The following BBX variants were observed in gnomAD, a reference collection of about 807,000 sequenced individuals.
The protein encoded by BBX is HMG box transcription factor BBX.
In BBX, 30 loss-of-function variants were observed where a neutral mutation model predicts 100.2. The ratio of observed to expected loss-of-function variants is 0.30; its 90% CI spans 0.22 to 0.41. The LOEUF is 0.41. Ranked by LOEUF, BBX falls within the 10% of genes least tolerant of loss-of-function variation. BBX has a pLI of 1.00. For missense variants in BBX, 1,023 were observed against 1,129.8 expected (o/e 0.91, Z 1.35); for synonymous variants, 376 against 388.1 (o/e 0.97, Z 0.37).
chr3:107,542,929 A>G (rs1327937586), intron 2 of BBX, among the ~76,000 whole-genome samples: 1 of 149,032 alleles, frequency 6.7e-6, no homozygotes, highest in East Asian at 1.9e-4. Context: ...CCCAGGGTAA[A>G]AGAGCTTTTT....
At chr3:107,769,014 G>C (rs771087776) in intron 10 of BBX, among the ~76,000 whole-genome samples, 8 of 150,490 alleles carry the variant, frequency 5.3e-5, no homozygotes, top group Middle Eastern at 3.4e-3. Context: ...GGGCGGCGGG[G>C]GGGGGGAGCC....
chr3:107,760,413 T>C (rs902580520), intron 10 of BBX, among the ~76,000 whole-genome samples: 2 of 152,254 alleles, frequency 1.3e-5, no homozygotes, highest in Non-Finnish European at 2.9e-5. Flanking sequence ...ACTGCCAGGA[T>C]GCATCTTACA....
At chr3:107,670,707 C>T (rs1576269411) in intron 3 of BBX, among the ~76,000 whole-genome samples, 1 of 152,076 alleles carries the variant, frequency 6.6e-6, no homozygotes, top group East Asian at 1.9e-4. Context: ...ATGTTGAATA[C>T]ACTTGACTGG....
chr3:107,730,589 G>A (rs763516228), intron 6 of BBX, among the ~76,000 whole-genome samples: 12 of 151,230 alleles, frequency 7.9e-5, no homozygotes, highest in Non-Finnish European at 1.8e-4. Flanking sequence ...TTGAAGCACC[G>A]TTTCTGACAC....
intron 1 of BBX, among the ~76,000 whole-genome samples, chr3:107,524,813 G>C (rs2047632342): frequency 8.9e-6 from 1 of 111,924 alleles, no homozygotes; most frequent in Non-Finnish European, 1.9e-5. Context: ...GGGGGGGGGG[G>C]CGAAGGGGAA....
intron 16 of BBX, among the ~76,000 whole-genome samples, chr3:107,800,888 G>T (rs1443400824): frequency 6.6e-6 from 1 of 152,226 alleles, no homozygotes; most frequent in South Asian, 2.1e-4. Context: ...AGGGCACAGT[G>T]CTGTCCATAG....
chr3:107,683,520 G>A (rs1336176881), intron 3 of BBX, among the ~76,000 whole-genome samples: 1 of 152,108 alleles, frequency 6.6e-6, no homozygotes, highest in East Asian at 1.9e-4. Flanking sequence ...AGATGCAATG[G>A]TATACACATT....
At chr3:107,739,445 G>C (rs1323980360) in intron 7 of BBX, among the ~76,000 whole-genome samples, 2 of 152,186 alleles carry the variant, frequency 1.3e-5, no homozygotes, top group Non-Finnish European at 2.9e-5. Context: ...CACTTTGGCT[G>C]GACCTGCCCA....
At chr3:107,554,887 G>A (rs1291465335) in intron 2 of BBX, among the ~76,000 whole-genome samples, 1 of 152,006 alleles carries the variant, frequency 6.6e-6, no homozygotes, top group Admixed American at 6.6e-5. Context: ...TGACCAACAT[G>A]GAGAAACCCC....
In BBX at chr3:107,594,513, T is replaced by C. The variant is rs1196745222; in HGVS notation, c.-83-51323T>C. Among the ~76,000 whole-genome samples, 46 of 152,178 alleles carry C rather than the reference T, an allele frequency of 3.0e-4. 1 individual carries two copies. Among genetic ancestry groups the C allele is most frequent in the Admixed American group, 3.0e-3 (46 of 15,272 alleles). On this transcript the variant is annotated intron_variant, in intron 2 of 17. Coordinates refer to ENST00000325805, the MANE Select transcript of BBX (RefSeq NM_001142568.3). Reference sequence around the variant, plus strand: ...GGTGGGAATAAATGCAGTGCTATAATTATATCATTTCCAGAGAGATCGCAT... The same window carrying C: ...GGTGGGAATAAATGCAGTGCTATAACTATATCATTTCCAGAGAGATCGCAT...
rs184197979 is a variant in BBX, at chr3:107,747,379, C to T, written c.751-586C>T. Among the ~76,000 whole-genome samples the T allele has an allele frequency of 3.5e-4, 53 of 152,112 alleles. 1 individual carries two copies. The East Asian group carries it at 9.5e-3, about 27-fold the overall frequency. On this transcript the variant is annotated intron_variant, in intron 8 of 17. Transcript: ENST00000325805. ...ATGGCTTATTTTTTTTCACCATAAT[C>T]CTCTAAAATGCAGATTATTATCATC...
intron 5 of BBX, among the ~76,000 whole-genome samples, chr3:107,718,565 C>T (rs2062288300): frequency 6.6e-6 from 1 of 151,896 alleles, no homozygotes; most frequent in South Asian, 2.1e-4. Context: ...GCATAAGCTT[C>T]CTATAATTAA....
intron 2 of BBX, among the ~76,000 whole-genome samples, chr3:107,542,882 T>A (rs889257702): frequency 1.3e-5 from 2 of 152,186 alleles, no homozygotes; most frequent in African/African-American, 4.8e-5. Context: ...TCCCACTGAA[T>A]TTCTTATGCC....
At chr3:107,686,174 G>A (rs1315458152) in intron 3 of BBX, among the ~76,000 whole-genome samples, 3 of 152,110 alleles carry the variant, frequency 2.0e-5, no homozygotes, top group Admixed American at 1.3e-4. Context: ...ACGTAAATAT[G>A]TGTGTGTGTT....
chr3:107,757,233 A>C (rs2065551385), intron 10 of BBX, among the ~76,000 whole-genome samples: 1 of 152,036 alleles, frequency 6.6e-6, no homozygotes, highest in Non-Finnish European at 1.5e-5. Context: ...CCTTTGGGGT[A>C]CTTTGCTGCA....
intron 5 of BBX, among the ~76,000 whole-genome samples, chr3:107,722,590 A>G (rs916228363): frequency 2.0e-5 from 3 of 152,008 alleles, no homozygotes; most frequent in Admixed American, 6.6e-5. Context: ...ACAACAAGCA[A>G]ATAATTTCCT....
At position 107,801,280 on chromosome 3, in the gene BBX, A is replaced by G; in HGVS notation, c.2737A>G (p.Arg913Gly). ...AEVAAMENVH[R>G]GQRSTPLTHD... ...AGTGGCAGCCATGGAAAATGTGCAC[A>G]GGTTAGTGGTAGAAGGTGGAAGGAG... Residue 913 changes from arginine to glycine, a missense_variant and splice_region_variant, in exon 17 of 18, where the codon AGA becomes GGA. Around this residue, in one of 9 missense-constraint regions of BBX, gnomAD observed 104 missense variants for 132.2 expected, o/e 0.79. Transcript: ENST00000325805. 1.9e-6 allele frequency: 3 copies of G among 1,613,416 alleles called. No individual in the cohort carries two copies. Among genetic ancestry groups the G allele is most frequent in the Non-Finnish European group, 2.5e-6 (3 of 1,179,602 alleles).
intron 3 of BBX, among the ~76,000 whole-genome samples, chr3:107,657,634 C>T (rs1268320894): frequency 6.6e-6 from 1 of 151,968 alleles, no homozygotes; most frequent in Non-Finnish European, 1.5e-5. Context: ...CACAAGAGTG[C>T]TAATATTGCC....
rs377439178 is a variant in BBX at position 107,789,777 on chromosome 3, T to C, written c.2204-10T>C. 64 of 1,460,160 alleles carry C rather than the reference T, an allele frequency of 4.4e-5. No homozygotes were observed. In the African/African-American group the frequency reaches 7.3e-4, roughly 17 times the overall value. 90.5% of individuals were successfully genotyped at this position (1,460,160 alleles called of 1,614,324 possible). On this transcript the variant is annotated splice_polypyrimidine_tract_variant and intron_variant, in intron 13 of 17. Transcript: ENST00000325805. ...AATTTAAAATATATTTATATTAATA[T>C]TGTCTGTAGGTCCTTTCCAGTCTCA...
Sources: allele counts gnomAD v4.1 joint callset (sites outside exome capture counted in the v4.1 genomes callset), GRCh38; gene constraint gnomAD v4.1.1; regional missense constraint gnomAD v4.1.1; transcripts MANE v1.5; gene names NCBI Gene and HGNC (gene_info 2026-07-23, HGNC 2026-07-21).